TAFA5: variants seen among roughly 807,000 people sequenced by gnomAD.
TAFA5 encodes the protein TAFA chemokine like family member 5.
Under a neutral mutation model 15.3 loss-of-function variants are expected in TAFA5, and 6 were observed. The ratio of observed to expected loss-of-function variants is 0.39; its 90% CI spans 0.21 to 0.77. The LOEUF is 0.77. Ranked by LOEUF, TAFA5 falls within the 30% of genes least tolerant of loss-of-function variation. TAFA5 has a pLI of 0.41. For missense variants in TAFA5, 161 were observed against 193.1 expected, an observed-to-expected ratio of 0.83 and a Z score of 0.98; for synonymous variants, 103 against 80.7, an observed-to-expected ratio of 1.28 and a Z score of -1.48.
intron 2 of TAFA5, chr22:48,693,195 C>T (rs1928597363): frequency 1.7e-6 from 2 of 1,149,456 alleles, no homozygotes; most frequent in South Asian, 3.0e-5. Context: ...GGAGGGGCCT[C>T]AGTGACGGGG....
intron 3 of TAFA5, among the ~76,000 whole-genome samples, chr22:48,731,398 A>G (rs927892857): frequency 6.6e-6 from 1 of 152,238 alleles, no homozygotes; most frequent in Non-Finnish European, 1.5e-5. Flanking sequence ...TAGATTTTCA[A>G]TGTAGATGAA....
chr22:48,546,182 T>C (rs898873921), intron 1 of TAFA5, among the ~76,000 whole-genome samples: 3 of 152,212 alleles, frequency 2.0e-5, no homozygotes, highest in East Asian at 1.9e-4. Flanking sequence ...TGCCTCCCCA[T>C]GGGGACTGCG....
At chr22:48,571,702 T>C (rs548879882) in intron 1 of TAFA5, among the ~76,000 whole-genome samples, 14 of 149,680 alleles carry the variant, frequency 9.4e-5, no homozygotes, top group Admixed American at 2.0e-4. Flanking sequence ...CTCTACAATC[T>C]GAAGATGTGC....
chr22:48,630,918 G>A (rs1926200668), intron 1 of TAFA5, among the ~76,000 whole-genome samples: 1 of 152,110 alleles, frequency 6.6e-6, no homozygotes, highest in Non-Finnish European at 1.5e-5. Context: ...TGCATGGGGG[G>A]AGCCCGGCGT....
At chr22:48,493,137 TG>T (rs1426843266) in intron 1 of TAFA5, among the ~76,000 whole-genome samples, 2 of 152,194 alleles carry the variant, frequency 1.3e-5, no homozygotes, top group African/African-American at 4.8e-5. Context: ...TCGGTCCTTG[TG>T]TGCAGCGTTG....
chr22:48,605,435 G>GTGATGGTGATGGTGATGA (rs1925155081), intron 1 of TAFA5, among the ~76,000 whole-genome samples: 1 of 61,990 alleles, frequency 1.6e-5, no homozygotes, highest in Non-Finnish European at 3.6e-5. Flanking sequence ...GGTGGTGGTG[G>GTGATGGTGATGGTGATGA]TGGTGGTGGT....
intron 1 of TAFA5, among the ~76,000 whole-genome samples, chr22:48,641,228 T>C (rs1029447606): frequency 2.0e-5 from 3 of 152,022 alleles, no homozygotes; most frequent in Non-Finnish European, 4.4e-5. Flanking sequence ...TGCCTTAGAA[T>C]GTGCCAGGTG....
chr22:48,554,229 G>A (rs1922953109), intron 1 of TAFA5, among the ~76,000 whole-genome samples: 1 of 151,964 alleles, frequency 6.6e-6, no homozygotes, highest in East Asian at 1.9e-4. Flanking sequence ...CTTCGACTTT[G>A]AAGGTGCAGA....
At chr22:48,623,563 G>A (rs553037222) in intron 1 of TAFA5, among the ~76,000 whole-genome samples, 1 of 152,212 alleles carries the variant, frequency 6.6e-6, no homozygotes, top group Non-Finnish European at 1.5e-5. Context: ...GGTGGAGGAA[G>A]GGGGCGGCTC....
intron 1 of TAFA5, among the ~76,000 whole-genome samples, chr22:48,611,265 C>T (rs1419920629): frequency 3.3e-5 from 5 of 152,218 alleles, no homozygotes; most frequent in Admixed American, 2.0e-4. Context: ...ACACAGCTAG[C>T]GGCAGACCGC....
At position 48,712,906 on chromosome 22, in the gene TAFA5, C is replaced by T. The variant is rs569489866; in HGVS notation, c.390+5062C>T. On this transcript the variant is annotated intron_variant, in intron 3 of 3. Transcript: ENST00000402357. The stretch of plus-strand genomic sequence containing the variant: ...GTGGGGCCGAGGGGAGCAGGCCAGG[C>T]CCACACACAAGCAGGTCTTCTCTCC... 3.6e-4 allele frequency among the ~76,000 whole-genome samples: 55 copies of T among 152,344 alleles called. No individual in the cohort carries two copies. In the South Asian group the frequency reaches 0.01, roughly 28 times the overall value.
At chr22:48,558,046 G>A (rs1168024099) in intron 1 of TAFA5, among the ~76,000 whole-genome samples, 1 of 152,150 alleles carries the variant, frequency 6.6e-6, no homozygotes, top group Non-Finnish European at 1.5e-5. Context: ...TCCCTCCCCT[G>A]TCTCCTTTAG....
chr22:48,677,013 C>T (rs912589676), intron 2 of TAFA5, among the ~76,000 whole-genome samples: 2 of 152,234 alleles, frequency 1.3e-5, no homozygotes, highest in Admixed American at 6.5e-5. Flanking sequence ...TCTGCTCTCT[C>T]GTGGAGGACG....
At chr22:48,655,736 C>T (rs569532238) in intron 2 of TAFA5, among the ~76,000 whole-genome samples, 12 of 152,024 alleles carry the variant, frequency 7.9e-5, no homozygotes, top group Non-Finnish European at 1.5e-4. Context: ...AAGCAGGTCC[C>T]CTGAGCGCTC....
chr22:48,657,303 A>G (rs1927284818), intron 2 of TAFA5, among the ~76,000 whole-genome samples: 1 of 152,232 alleles, frequency 6.6e-6, no homozygotes, highest in South Asian at 2.1e-4. Flanking sequence ...ATTCCTAGAA[A>G]GACACAAACT....
intron 2 of TAFA5, among the ~76,000 whole-genome samples, chr22:48,703,681 T>C (rs1345702819): frequency 6.6e-6 from 1 of 152,244 alleles, no homozygotes; most frequent in African/African-American, 2.4e-5. Flanking sequence ...GCCCAGAGCA[T>C]GAGCTTCGTG....
At chr22:48,683,558 C>A (rs1238320904) in intron 2 of TAFA5, among the ~76,000 whole-genome samples, 5 of 152,238 alleles carry the variant, frequency 3.3e-5, no homozygotes, top group Admixed American at 3.3e-4. Context: ...GGGCCACAGA[C>A]CGTGCACTCG....
chr22:48,509,236 G>T (rs1042379097), intron 1 of TAFA5, among the ~76,000 whole-genome samples: 3 of 152,170 alleles, frequency 2.0e-5, no homozygotes, highest in African/African-American at 7.2e-5. Flanking sequence ...CTGATTCTGC[G>T]TCGTGGCTCT....
chr22:48,706,332 C>A (rs931374212), intron 2 of TAFA5, among the ~76,000 whole-genome samples: 1 of 152,144 alleles, frequency 6.6e-6, no homozygotes, highest in Non-Finnish European at 1.5e-5. Context: ...CCGAGGAACT[C>A]GGAACAGTGA....
Sources: allele counts gnomAD v4.1 joint callset (sites outside exome capture counted in the v4.1 genomes callset), GRCh38; gene constraint gnomAD v4.1.1; transcripts MANE v1.5; gene names NCBI Gene and HGNC (gene_info 2026-07-23, HGNC 2026-07-21).